Variants in MTHFD1 observed in about 807,000 individuals in gnomAD.
MTHFD1 encodes C-1-tetrahydrofolate synthase, cytoplasmic.
MTHFD1 carries 44 observed loss-of-function variants against 110.3 expected under a neutral mutation model. The observed-to-expected ratio is 0.40, with a 90% CI of 0.31 to 0.51. The LOEUF is 0.51. MTHFD1 is among the 20% of genes least tolerant of loss of function. The pLI is 0.60. For synonymous variants in MTHFD1, 402 were observed against 428.8 expected, an observed-to-expected ratio of 0.94 and a Z score of 0.77; for missense variants, 909 against 1,173.1, an observed-to-expected ratio of 0.77 and a Z score of 3.29.
At chr14:64,402,774 A>G (rs1411301930) in intron 2 of MTHFD1, among the ~76,000 whole-genome samples, 2 of 150,416 alleles carry the variant, frequency 1.3e-5, no homozygotes, top group African/African-American at 4.9e-5. Flanking sequence ...ATGCCACTGT[A>G]CTCCAGCTTA....
At chr14:64,407,233 A>T (rs955953541) in intron 2 of MTHFD1, among the ~76,000 whole-genome samples, 5 of 152,144 alleles carry the variant, frequency 3.3e-5, no homozygotes, top group Admixed American at 6.6e-5. Flanking sequence ...TAGGAGGCCA[A>T]GGCGAGTGGA....
At chr14:64,434,711 G>C (rs1401408692) in intron 15 of MTHFD1, among the ~76,000 whole-genome samples, 1 of 152,018 alleles carries the variant, frequency 6.6e-6, no homozygotes, top group Non-Finnish European at 1.5e-5. Flanking sequence ...CATTCTTCAG[G>C]ATGGGAGTAA....
intron 2 of MTHFD1, among the ~76,000 whole-genome samples, chr14:64,406,848 C>T (rs2077939662): frequency 6.6e-6 from 1 of 152,112 alleles, no homozygotes; most frequent in Admixed American, 6.6e-5. Flanking sequence ...TATTTCTAAT[C>T]GTTCTATGTT....
At chr14:64,398,793 A>C (rs1015808002) in intron 1 of MTHFD1, among the ~76,000 whole-genome samples, 14 of 152,222 alleles carry the variant, frequency 9.2e-5, no homozygotes, top group Non-Finnish European at 1.0e-4. Flanking sequence ...CTGGTTTTCC[A>C]AGAGGGACAG....
At chr14:64,408,188 C>T (rs1040758106) in intron 2 of MTHFD1, among the ~76,000 whole-genome samples, 2 of 151,720 alleles carry the variant, frequency 1.3e-5, no homozygotes, top group Non-Finnish European at 2.9e-5. Flanking sequence ...AGTTTGCAGA[C>T]TCCTGGTATA....
intron 1 of MTHFD1, among the ~76,000 whole-genome samples, chr14:64,396,079 A>G (rs1490641480): frequency 6.6e-6 from 1 of 152,190 alleles, no homozygotes; most frequent in Non-Finnish European, 1.5e-5. Flanking sequence ...AAGCTTTCAA[A>G]TACGTATTTG....
At chr14:64,456,095 T>A (rs1049282205) in intron 26 of MTHFD1, among the ~76,000 whole-genome samples, 3 of 152,224 alleles carry the variant, frequency 2.0e-5, no homozygotes, top group Admixed American at 2.0e-4. Context: ...TACTCTTTCT[T>A]GTCACTTTTG....
At chr14:64,406,872 C>T (rs953866510) in intron 2 of MTHFD1, among the ~76,000 whole-genome samples, 4 of 152,120 alleles carry the variant, frequency 2.6e-5, no homozygotes, top group Non-Finnish European at 4.4e-5. Context: ...TACTACCCTA[C>T]GATGTAGGAG....
At chr14:64,436,485 A>G (rs2078207127) in intron 16 of MTHFD1, among the ~76,000 whole-genome samples, 1 of 152,242 alleles carries the variant, frequency 6.6e-6, no homozygotes, top group Admixed American at 6.5e-5. Context: ...TTCAGTAAGT[A>G]GGTTTCCTGG....
At chr14:64,403,424 C>T (rs1041290865) in intron 2 of MTHFD1, among the ~76,000 whole-genome samples, 8 of 151,954 alleles carry the variant, frequency 5.3e-5, no homozygotes, top group Non-Finnish European at 1.0e-4. Flanking sequence ...ACAGGTGCCA[C>T]GCCCAGCTAA....
chr14:64,400,052 G>A (rs1260352960), intron 1 of MTHFD1, among the ~76,000 whole-genome samples: 1 of 152,190 alleles, frequency 6.6e-6, no homozygotes, highest in Non-Finnish European at 1.5e-5. Flanking sequence ...TGAGATTACA[G>A]GCATGAACCA....
Position 64,388,440 on chromosome 14 carries a change from G to A in MTHFD1, c.13G>A (p.Glu5Lys). 3 of 1,614,182 alleles carry A rather than the reference G, an allele frequency of 1.9e-6. No individual in the cohort carries two copies. The highest frequency in any genetic ancestry group is 2.5e-6 in the Non-Finnish European group (3 of 1,180,044). ...ACTAATAAAGGCCATGGCGCCAGCAGAAATCCTGAACGGGAAGGAGATCTC... is the reference window on the plus strand; with the variant it reads ...ACTAATAAAGGCCATGGCGCCAGCAAAAATCCTGAACGGGAAGGAGATCTC... The part of the protein sequence containing the change: MAPA[E>K]ILNGKEISAQ... The change falls in exon 1 of 28, where the codon GAA (glutamate) becomes AAA (lysine). Residue 5 changes from glutamate (E) to lysine (K), a missense_variant. Glu to Lys is a moderately conservative substitution (Grantham distance 56). Transcript: ENST00000652337.
intron 19 of MTHFD1, chr14:64,441,719 C>T (rs1002444042): frequency 4.5e-5 from 24 of 538,802 alleles, no homozygotes; most frequent in South Asian, 3.6e-4. Flanking sequence ...GGCAGAATGG[C>T]GTGAACCTGG....
intron 2 of MTHFD1, among the ~76,000 whole-genome samples, chr14:64,402,621 G>A (rs2077906287): frequency 6.6e-6 from 1 of 151,998 alleles, no homozygotes; most frequent in Admixed American, 6.6e-5. Flanking sequence ...GTGCAGCCTG[G>A]ACAACAAAGT....
chr14:64,388,432 C>G lies in MTHFD1; in HGVS notation c.5C>G (p.Ala2Gly). 1 of 1,614,104 alleles carries G rather than the reference C, an allele frequency of 6.2e-7. No homozygotes were observed. Among genetic ancestry groups the G allele is most frequent in the Non-Finnish European group, 8.5e-7 (1 of 1,180,026 alleles). Reference sequence around the variant, plus strand: ...GGCAGCGGACTAATAAAGGCCATGGCGCCAGCAGAAATCCTGAACGGGAAG... The same window carrying G: ...GGCAGCGGACTAATAAAGGCCATGGGGCCAGCAGAAATCCTGAACGGGAAG... M[A>G]PAEILNGKEI... The change falls in exon 1 of 28, where the codon GCG becomes GGG. Residue 2 changes from alanine to glycine, a missense_variant. Transcript: ENST00000652337.
intron 26 of MTHFD1, among the ~76,000 whole-genome samples, chr14:64,456,698 T>A (rs1405764700): frequency 6.6e-6 from 1 of 152,248 alleles, no homozygotes; most frequent in East Asian, 1.9e-4. Flanking sequence ...GTCTCACACC[T>A]AGCACCTCCT....
chr14:64,413,575 G>T (rs755784103), intron 4 of MTHFD1, among the ~76,000 whole-genome samples: 6 of 152,132 alleles, frequency 3.9e-5, no homozygotes, highest in Non-Finnish European at 7.4e-5. Context: ...TGTCCAGTAT[G>T]GGAGCCACTA....
intron 8 of MTHFD1, chr14:64,424,286 G>A (rs2078102417): frequency 5.6e-6 from 1 of 179,948 alleles, no homozygotes; most frequent in South Asian, 1.2e-4. Flanking sequence ...TAAGGGAAGT[G>A]TAATTATATT....
intron 2 of MTHFD1, among the ~76,000 whole-genome samples, chr14:64,409,547 G>A (rs559260826): frequency 2.6e-5 from 4 of 152,124 alleles, no homozygotes; most frequent in South Asian, 2.1e-4. Context: ...TAAAAATTCC[G>A]GAATGTATCA....
Sources: gnomAD v4.1 joint callset for allele counts (sites outside exome capture counted in the v4.1 genomes callset) on GRCh38, gnomAD v4.1.1 for gene constraint, MANE v1.5 for transcripts, NCBI Gene and HGNC (gene_info 2026-07-23, HGNC 2026-07-21) for gene names.